PRUNE2: variants seen among roughly 807,000 people sequenced by gnomAD.
PRUNE2 encodes the protein prune homolog 2 with BCH domain, also known as protein prune homolog 2.
PRUNE2 carries 164 observed loss-of-function variants against 252.0 expected under a neutral mutation model. The observed-to-expected ratio is 0.65, with a 90% CI of 0.57 to 0.74. PRUNE2 has a LOEUF of 0.74. Among genes scored for constraint, PRUNE2 ranks in the 30% least tolerant of loss-of-function variants. PRUNE2 has a pLI of 0.00. For synonymous variants in PRUNE2, 1,292 were observed against 1,350.2 expected (o/e 0.96, Z 0.94); for missense variants, 3,495 against 3,711.0 (o/e 0.94, Z 1.51).
intron 6 of PRUNE2, among the ~76,000 whole-genome samples, chr9:76,803,662 G>C (rs924484649): frequency 6.6e-6 from 1 of 152,124 alleles, no homozygotes; most frequent in African/African-American, 2.4e-5. Flanking sequence ...AGGGGATGTG[G>C]TCTCTCTCCC....
intron 11 of PRUNE2, among the ~76,000 whole-genome samples, chr9:76,649,597 AGATAGATAGATAGAT>A (rs1191977856): frequency 8.0e-6 from 1 of 124,986 alleles, no homozygotes; most frequent in East Asian, 2.2e-4. Context: ...AAGTATAGAT[AGATAGATAGATAGAT>A]GATAGATAGA....
intron 1 of PRUNE2, among the ~76,000 whole-genome samples, chr9:76,888,748 T>C (rs1021798896): frequency 2.6e-5 from 4 of 152,118 alleles, no homozygotes; most frequent in African/African-American, 9.7e-5. Context: ...CCTGAGATCA[T>C]TCAAAGAGCT....
chr9:76,778,138 A>C (rs2053999532), intron 6 of PRUNE2, among the ~76,000 whole-genome samples: 1 of 152,218 alleles, frequency 6.6e-6, no homozygotes, highest in Non-Finnish European at 1.5e-5. Flanking sequence ...TGATTAAATC[A>C]GAATCTCTGG....
At chr9:76,734,206 G>A (rs984836538) in intron 6 of PRUNE2, among the ~76,000 whole-genome samples, 5 of 152,030 alleles carry the variant, frequency 3.3e-5, no homozygotes, top group African/African-American at 1.2e-4. Context: ...GGAGGGGCTG[G>A]GTAGATGTTT....
intron 6 of PRUNE2, among the ~76,000 whole-genome samples, chr9:76,741,080 C>A (rs2049577274): frequency 6.6e-6 from 1 of 152,092 alleles, no homozygotes; most frequent in Non-Finnish European, 1.5e-5. Context: ...TGTGTAGGAA[C>A]CCAAAAATTC....
chr9:76,775,942 T>G (rs2053687074), intron 6 of PRUNE2, among the ~76,000 whole-genome samples: 1 of 146,132 alleles, frequency 6.8e-6, no homozygotes, highest in African/African-American at 2.5e-5. Context: ...CTAATTCCAC[T>G]CTTCTCTATT....
chr9:76,905,182 G>A (rs1463701778), intron 1 of PRUNE2, among the ~76,000 whole-genome samples: 1 of 152,104 alleles, frequency 6.6e-6, no homozygotes, highest in Non-Finnish European at 1.5e-5. Context: ...TTAAGAAACT[G>A]CTAGAGTCTG....
At chr9:76,722,068 T>C (rs1161966191) in intron 6 of PRUNE2, among the ~76,000 whole-genome samples, 1 of 152,130 alleles carries the variant, frequency 6.6e-6, no homozygotes, top group Non-Finnish European at 1.5e-5. Flanking sequence ...ATTGTTCTTT[T>C]TTATTTTTGA....
At chr9:76,625,480 C>A (rs1189284317) in intron 16 of PRUNE2, among the ~76,000 whole-genome samples, 2 of 152,138 alleles carry the variant, frequency 1.3e-5, no homozygotes, top group African/African-American at 4.8e-5. Flanking sequence ...CTTCTCAGAA[C>A]ATGTCTCTGT....
At position 76,704,582 on chromosome 9, in the gene PRUNE2, G is replaced by A. The variant is rs75443791; in HGVS notation, c.7513+179C>T. ...TTTTCTCGTGCACTATCAGGAATAG[G>A]TATTACATATGCACTAGATTTTACT... is the stretch of plus-strand genomic sequence containing the variant. On this transcript the variant is annotated intron_variant, in intron 8 of 18. Transcript: ENST00000376718. Among the ~76,000 whole-genome samples, 119 of 152,286 alleles carry A rather than the reference G, an allele frequency of 7.8e-4. No homozygotes were observed. The East Asian group carries it at 0.023, about 29-fold the overall frequency.
chr9:76,888,239 G>T (rs937812760), intron 1 of PRUNE2, among the ~76,000 whole-genome samples: 7 of 152,202 alleles, frequency 4.6e-5, no homozygotes, highest in African/African-American at 1.7e-4. Flanking sequence ...CAGTCACAAG[G>T]ACTTCTGGGA....
At chr9:76,828,879 C>T (rs1304395672) in intron 4 of PRUNE2, among the ~76,000 whole-genome samples, 2 of 151,642 alleles carry the variant, frequency 1.3e-5, no homozygotes, top group Non-Finnish European at 2.9e-5. Context: ...GAGCCAGGAG[C>T]GGTGGCGGGT....
intron 18 of PRUNE2, chr9:76,615,193 G>A (rs561656557): frequency 1.0e-6 from 1 of 985,238 alleles, no homozygotes; most frequent in Admixed American, 6.1e-5. Flanking sequence ...AAACTCACTC[G>A]AATCACGTCT....
At chr9:76,830,664 A>T (rs2058617653) in intron 4 of PRUNE2, among the ~76,000 whole-genome samples, 1 of 151,468 alleles carries the variant, frequency 6.6e-6, no homozygotes, top group African/African-American at 2.4e-5. Context: ...AAACAAAAAA[A>T]GAAAAAAAAA....
rs536155126 is a variant in PRUNE2 at position 76,705,948 on chromosome 9, T to C, written c.6326A>G (p.His2109Arg). The C allele has an allele frequency of 6.7e-5, 108 of 1,613,892 alleles. No individual in the cohort carries two copies. The highest frequency in any genetic ancestry group is 8.9e-5 in the Non-Finnish European group (105 of 1,179,898). Residue 2109 changes from histidine (H) to arginine (R), a missense_variant, in exon 8 of 19, where the codon CAC becomes CGC. Physicochemically the swap from His to Arg is conservative, Grantham distance 29. Coordinates refer to ENST00000376718, the MANE Select transcript of PRUNE2 (RefSeq NM_015225.3). ...SQASDSPDIC[H>R]DSEAKQETEK... Reference sequence around the variant, plus strand: ...AGTCTCTTGCTTTGCTTCAGAATCGTGACATATATCAGGGCTGTCGGAAGC... The same window carrying C: ...AGTCTCTTGCTTTGCTTCAGAATCGCGACATATATCAGGGCTGTCGGAAGC...
At chr9:76,849,859 A>G (rs960354819) in intron 3 of PRUNE2, among the ~76,000 whole-genome samples, 1 of 151,790 alleles carries the variant, frequency 6.6e-6, no homozygotes, top group Non-Finnish European at 1.5e-5. Context: ...AAAACAAAAA[A>G]CCCCCTATAA....
At position 76,615,914 on chromosome 9, in the gene PRUNE2, C is replaced by T. The variant is rs139000127; in HGVS notation, c.9237-1314G>A. On this transcript the variant is annotated intron_variant, in intron 18 of 18. Coordinates refer to ENST00000376718, the MANE Select transcript of PRUNE2 (RefSeq NM_015225.3). ...CCTCCCGAGTAGCTGGGATTACAGG[C>T]AGACGCCACCATGCCCAGATAATTT... Among the ~76,000 whole-genome samples the T allele has an allele frequency of 3.0e-3, 451 of 152,004 alleles. 2 individuals are homozygous for T. Among genetic ancestry groups the T allele is most frequent in the African/African-American group, 0.01 (419 of 41,482 alleles).
intron 9 of PRUNE2, among the ~76,000 whole-genome samples, chr9:76,673,586 GCAGAGACA>G (rs1563995882): frequency 6.9e-6 from 1 of 145,528 alleles, no homozygotes; most frequent in African/African-American, 2.6e-5. Context: ...CCAAAGCCAG[GCAGAGACA>G]CAACAAAAAA....
chr9:76,797,038 T>TACGCGCACACACACAC (rs71309258), intron 6 of PRUNE2, among the ~76,000 whole-genome samples: 6 of 151,758 alleles, frequency 4.0e-5, no homozygotes, highest in African/African-American at 1.5e-4. Flanking sequence ...CACTCACACA[T>TACGCGCACACACACAC]ACACACACAC....
Sources: gnomAD v4.1 joint callset for allele counts (sites outside exome capture counted in the v4.1 genomes callset) on GRCh38, gnomAD v4.1.1 for gene constraint, MANE v1.5 for transcripts, NCBI Gene and HGNC (gene_info 2026-07-23, HGNC 2026-07-21) for gene names.